The following DGKB variants were observed in gnomAD, a reference collection of about 807,000 sequenced individuals.
DGKB encodes 90 kDa diacylglycerol kinase.
A neutral mutation model predicts 114.3 loss-of-function variants in DGKB; 67 were observed. That is an observed-to-expected ratio of 0.59 (90% CI 0.48 to 0.72). The LOEUF (loss-of-function observed/expected upper bound fraction) is 0.72, where lower values mean the gene tolerates loss of function less well. Ranked by LOEUF, DGKB falls within the 30% of genes least tolerant of loss-of-function variation. The pLI, the probability that DGKB is intolerant of heterozygous loss-of-function variation, is 0.00. For missense variants in DGKB, 907 were observed against 975.2 expected (o/e 0.93, Z 0.93); for synonymous variants, 398 against 323.1 (o/e 1.23, Z -2.49).
chr7:14,748,870 A>T (rs755369167), intron 4 of DGKB, among the ~76,000 whole-genome samples: 1 of 152,218 alleles, frequency 6.6e-6, no homozygotes, highest in Non-Finnish European at 1.5e-5. Context: ...ATTATAGATA[A>T]AGCAACTGTT....
rs73070715 is a variant in DGKB at position 14,797,368 on chromosome 7, G to A, written c.71-39637C>T. Among the ~76,000 whole-genome samples, 230 of 152,166 alleles carry A rather than the reference G, an allele frequency of 1.5e-3. 1 individual carries two copies. In the Middle Eastern group the frequency reaches 0.02, roughly 14 times the overall value. On this transcript the variant is annotated intron_variant, in intron 2 of 25. Coordinates refer to ENST00000402815, the MANE Select transcript of DGKB (RefSeq NM_001350709.2). ...CTAGCCTTTTCCCAAAGGACCTATG[G>A]CATTTTATCAGGATAATTATACTCA...
At chr7:14,258,044 C>G (rs2128405213) in intron 23 of DGKB, among the ~76,000 whole-genome samples, 1 of 152,256 alleles carries the variant, frequency 6.6e-6, no homozygotes, top group African/African-American at 2.4e-5. Flanking sequence ...AACCCTTTTT[C>G]TTTATAAGTT....
chr7:14,772,428 T>C (rs991478323), intron 2 of DGKB, among the ~76,000 whole-genome samples: 5 of 152,254 alleles, frequency 3.3e-5, no homozygotes, highest in Non-Finnish European at 5.9e-5. Flanking sequence ...AAAACAGATA[T>C]GTTAATCTGG....
chr7:14,293,307 C>T (rs969337248), intron 23 of DGKB, among the ~76,000 whole-genome samples: 1 of 151,998 alleles, frequency 6.6e-6, no homozygotes, highest in Non-Finnish European at 1.5e-5. Flanking sequence ...ATAAAAATAT[C>T]CCAGTGCCCA....
chr7:14,206,477 G>A (rs1311676765), intron 23 of DGKB, among the ~76,000 whole-genome samples: 1 of 152,020 alleles, frequency 6.6e-6, no homozygotes, highest in Non-Finnish European at 1.5e-5. Context: ...TATGGTTGCA[G>A]CACAGAATTT....
intron 1 of DGKB, among the ~76,000 whole-genome samples, chr7:14,934,743 G>A (rs1785191627): frequency 6.6e-6 from 1 of 152,134 alleles, no homozygotes; most frequent in South Asian, 2.1e-4. Flanking sequence ...TGAAGCAGGT[G>A]AGAAACAAAG....
At chr7:14,307,318 C>T (rs375576532) in intron 23 of DGKB, among the ~76,000 whole-genome samples, 1 of 152,074 alleles carries the variant, frequency 6.6e-6, no homozygotes, top group Non-Finnish European at 1.5e-5. Flanking sequence ...TTAATATTTT[C>T]CGACTTCAAT....
intron 4 of DGKB, among the ~76,000 whole-genome samples, chr7:14,744,316 G>A (rs1161398557): frequency 6.6e-6 from 1 of 152,158 alleles, no homozygotes; most frequent in African/African-American, 2.4e-5. Context: ...GGAGAGATGG[G>A]TTGTTTTACC....
intron 23 of DGKB, among the ~76,000 whole-genome samples, chr7:14,275,417 G>A (rs942708155): frequency 1.3e-5 from 2 of 152,250 alleles, no homozygotes; most frequent in African/African-American, 2.4e-5. Flanking sequence ...AATTTGACAT[G>A]AGCCTACTTC....
intron 1 of DGKB, among the ~76,000 whole-genome samples, chr7:14,964,380 G>T (rs1232160669): frequency 1.3e-5 from 2 of 151,944 alleles, no homozygotes; most frequent in Non-Finnish European, 2.9e-5. Context: ...TGCACCTGTG[G>T]TCCCAGCTAC....
chr7:14,382,836 C>A (rs1489347922), intron 21 of DGKB, among the ~76,000 whole-genome samples: 1 of 152,120 alleles, frequency 6.6e-6, no homozygotes, highest in Non-Finnish European at 1.5e-5. Context: ...GGTGGTGACC[C>A]CCAGCCAGAG....
intron 14 of DGKB, among the ~76,000 whole-genome samples, chr7:14,626,323 A>G (rs117099791): frequency 1.1e-4 from 17 of 152,346 alleles, no homozygotes; most frequent in Non-Finnish European, 1.9e-4. Context: ...CTCCACTGGT[A>G]CAAAGCTACA....
Position 14,369,149 on chromosome 7 carries a change from T to G in DGKB, c.1836-23758A>C, listed in dbSNP as rs949867908. ...TGTATTCTCATTGTTTAACTCCCAA[T>G]TATGAGTGAGAACATGCGGTGTTTG... is the stretch of plus-strand genomic sequence containing the variant. On this transcript the variant is annotated intron_variant, in intron 21 of 25. Transcript: ENST00000402815. Among the ~76,000 whole-genome samples, 10 of 151,978 alleles carry G rather than the reference T, an allele frequency of 6.6e-5. 1 individual carries two copies. The highest frequency in any genetic ancestry group is 2.0e-4 in the Admixed American group (3 of 15,246).
chr7:14,511,411 C>A (rs1787958135), intron 20 of DGKB, among the ~76,000 whole-genome samples: 1 of 152,144 alleles, frequency 6.6e-6, no homozygotes, highest in Non-Finnish European at 1.5e-5. Flanking sequence ...TGCTAGCTTC[C>A]AACTTTTCTT....
intron 25 of DGKB, among the ~76,000 whole-genome samples, chr7:14,160,510 G>C (rs1783719823): frequency 6.6e-6 from 1 of 151,810 alleles, no homozygotes; most frequent in African/African-American, 2.4e-5. Flanking sequence ...ACTCCTATTG[G>C]CAATTGCTAC....
At chr7:14,413,047 T>A (rs1347816319) in intron 21 of DGKB, among the ~76,000 whole-genome samples, 2 of 151,142 alleles carry the variant, frequency 1.3e-5, no homozygotes, top group Non-Finnish European at 2.9e-5. Flanking sequence ...AAGTGAGAGA[T>A]GACAGCAGCC....
chr7:14,272,929 G>T lies in DGKB; in HGVS notation c.2122+65586C>A, dbSNP rs987458113. ...GTTGAGACTAGAGAATCTATTTGGG[G>T]GAATACATGGAATAGTTGAGTGAAA... On this transcript the variant is annotated intron_variant, in intron 23 of 25. Transcript: ENST00000402815. Among the ~76,000 whole-genome samples the T allele has an allele frequency of 1.3e-5, 2 of 152,152 alleles. 1 individual carries two copies. The highest frequency in any genetic ancestry group is 2.9e-5 in the Non-Finnish European group (2 of 68,028).
intron 25 of DGKB, among the ~76,000 whole-genome samples, chr7:14,169,189 C>G (rs1363528245): frequency 8.0e-6 from 1 of 124,954 alleles, no homozygotes; most frequent in Non-Finnish European, 1.7e-5. Context: ...GAAACCCAGT[C>G]TCTACTAAAA....
intron 21 of DGKB, among the ~76,000 whole-genome samples, chr7:14,377,395 C>A (rs111442589): frequency 5.3e-5 from 8 of 152,000 alleles, no homozygotes; most frequent in Non-Finnish European, 1.0e-4. Flanking sequence ...GTTTTATTCC[C>A]GTGATTTAAT....
Sources: gnomAD v4.1 joint callset for allele counts (sites outside exome capture counted in the v4.1 genomes callset) on GRCh38, gnomAD v4.1.1 for gene constraint, MANE v1.5 for transcripts, NCBI Gene and HGNC (gene_info 2026-07-23, HGNC 2026-07-21) for gene names.